The following MDN1 variants were observed in gnomAD, a reference collection of about 807,000 sequenced individuals.
MDN1 encodes midasin AAA ATPase 1.
Under a neutral mutation model 669.2 loss-of-function variants are expected in MDN1, and 266 were observed. The observed-to-expected ratio is 0.40, with a 90% CI of 0.36 to 0.44. The LOEUF is 0.44. Among genes scored for constraint, MDN1 ranks in the 20% least tolerant of loss-of-function variants. The pLI, the probability that MDN1 is intolerant of heterozygous loss-of-function variation, is 1.00. For synonymous variants in MDN1, 2,385 were observed against 2,457.1 expected (o/e 0.97, Z 0.87); for missense variants, 5,940 against 6,754.0 (o/e 0.88, Z 4.22).
chr6:89,646,715 G>C (rs1358796317), intron 99 of MDN1, 112 bp from the exon 100 acceptor site: 1 of 872,184 alleles, frequency 1.1e-6, no homozygotes, highest in East Asian at 2.6e-5. Flanking sequence ...AACCACCTCA[G>C]GTTTACAGAC....
chr6:89,672,790 C>T, intron 80 of MDN1, 88 bp from the exon 81 acceptor site: 1 of 1,393,570 alleles, frequency 7.2e-7, no homozygotes, highest in Non-Finnish European at 9.7e-7. Context: ...TAAAAATACT[C>T]ATTTATTGAT....
chr6:89,648,149 T>C lies in MDN1; in HGVS notation c.16281-3A>G, dbSNP rs1808603910. The stretch of plus-strand genomic sequence containing the variant: ...ACAGCTTTACAGATTCTCCAAAACT[T>C]GGGGGAGGAAAACCAAATACAACAG... On this transcript the variant is annotated splice_polypyrimidine_tract_variant and splice_region_variant and intron_variant, in intron 98 of 101. Coordinates refer to ENST00000369393, the MANE Select transcript of MDN1 (RefSeq NM_014611.3). 6.2e-7 allele frequency: 1 copy of C among 1,612,954 alleles called. No individual in the cohort carries two copies. Among genetic ancestry groups the C allele is most frequent in the South Asian group, 1.1e-5 (1 of 91,052 alleles).
In MDN1 at chr6:89,643,854, A is replaced by G. The variant is rs1808308024; in HGVS notation, c.*151T>C. 1.5e-6 allele frequency: 1 copy of G among 670,800 alleles called. No homozygotes were observed. Among genetic ancestry groups the G allele is most frequent in the African/African-American group, 1.8e-5 (1 of 54,168 alleles). The allele number at this position is 670,800 out of a possible 1,614,324, so 41.6% of individuals were successfully genotyped here. Reference sequence around the variant, plus strand: ...AAACCTCAGCCCAGGCAAAGCCGGGAGCCAGAGAGCATTCTGTAGGCTGTA... The same window carrying G: ...AAACCTCAGCCCAGGCAAAGCCGGGGGCCAGAGAGCATTCTGTAGGCTGTA... On this transcript the variant is annotated 3_prime_UTR_variant, in exon 102 of 102. Transcript: ENST00000369393.
chr6:89,668,368 A>G (rs958854709), intron 83 of MDN1, among the ~76,000 whole-genome samples: 4 of 152,180 alleles, frequency 2.6e-5, no homozygotes, highest in South Asian at 2.1e-4. Context: ...GATTTAACAT[A>G]TGACTTGACT....
At chr6:89,786,374 C>T (rs1046014557) in intron 8 of MDN1, among the ~76,000 whole-genome samples, 3 of 151,166 alleles carry the variant, frequency 2.0e-5, no homozygotes, top group Non-Finnish European at 4.4e-5. Context: ...GAGGACTGCT[C>T]GAGTCCAGGA....
chr6:89,689,138 C>G (rs933535192), intron 65 of MDN1, among the ~76,000 whole-genome samples: 1 of 152,188 alleles, frequency 6.6e-6, no homozygotes, highest in Non-Finnish European at 1.5e-5. Flanking sequence ...TGCACTCCAG[C>G]CTGAGAAACA....
chr6:89,791,207 G>GAAGA (rs1819253314), intron 5 of MDN1, among the ~76,000 whole-genome samples: 1 of 152,114 alleles, frequency 6.6e-6, no homozygotes, highest in South Asian at 2.1e-4. Context: ...CAAAGGTAGG[G>GAAGA]AAGAGCAAAC....
In MDN1 at chr6:89,700,281, A is replaced by T. The variant is rs760520402; in HGVS notation, c.8652T>A (p.Asn2884Lys). 1 of 1,613,940 alleles carries T rather than the reference A, an allele frequency of 6.2e-7. No homozygotes were observed. Among genetic ancestry groups the T allele is most frequent in the Non-Finnish European group, 8.5e-7 (1 of 1,179,816 alleles). ...LEDVSLDELK[N>K]FVHAQCLELK... ...GTTCTAAACACTGAGCATGCACAAA[A>T]TTCTTCAATTCATCTGGACAAAAAG... is the stretch of plus-strand genomic sequence containing the variant. Residue 2884 changes from asparagine (N) to lysine (K), a missense_variant, in exon 57 of 102, where the codon AAT becomes AAA. Coordinates refer to ENST00000369393, the MANE Select transcript of MDN1 (RefSeq NM_014611.3).
intron 40 of MDN1, among the ~76,000 whole-genome samples, chr6:89,722,244 G>A (rs538946642): frequency 6.6e-6 from 1 of 152,242 alleles, no homozygotes; most frequent in African/African-American, 2.4e-5. Context: ...CTCTTTATAC[G>A]ATTATACTTT....
At chr6:89,697,509 C>T (rs1812845783) in intron 59 of MDN1, among the ~76,000 whole-genome samples, 1 of 151,784 alleles carries the variant, frequency 6.6e-6, no homozygotes, top group South Asian at 2.1e-4. Flanking sequence ...ATACTTCCAA[C>T]TCATATTGGG....
intron 47 of MDN1, 59 bp from the exon 48 acceptor site, chr6:89,712,845 A>T: frequency 2.0e-6 from 3 of 1,506,726 alleles, no homozygotes; most frequent in Non-Finnish European, 2.8e-6. Flanking sequence ...ATTCCCCAAA[A>T]ACCAGCAAAG....
At chr6:89,762,204 T>G (rs1817580375) in intron 16 of MDN1, 115 bp downstream of exon 16, 1 of 862,948 alleles carries the variant, frequency 1.2e-6, no homozygotes, top group African/African-American at 1.7e-5. Context: ...TAGTCACTTC[T>G]GCCAAAGTCC....
chr6:89,672,884 TA>T (rs1279585709), intron 80 of MDN1, among the ~76,000 whole-genome samples, 182 bp from the exon 81 acceptor site: 1 of 152,206 alleles, frequency 6.6e-6, no homozygotes, highest in African/African-American at 2.4e-5. Flanking sequence ...TACCTTGTAT[TA>T]AAACATTTTT....
rs771641004 is a variant in MDN1 at position 89,710,718 on chromosome 6, G to A, written c.7728C>T (p.Val2576=). 1 of 1,600,212 alleles carries A rather than the reference G, an allele frequency of 6.2e-7. No individual in the cohort carries two copies. The highest frequency in any genetic ancestry group is 8.5e-7 in the Non-Finnish European group (1 of 1,174,856). ...GTTGTAATATTTTGAAAACATTACT[G>A]ACTGCACCTGAGAGGGAATGTGAGT... The part of the protein sequence containing the change: ...NFYSHSLSGA[V]SNVFKILQPN... The change falls in exon 50 of 102, where the codon GTC becomes GTT. Residue 2576 remains valine (V), a synonymous_variant. Transcript: ENST00000369393.
At chr6:89,725,023 G>C (rs1815124935) in intron 38 of MDN1, among the ~76,000 whole-genome samples, 176 bp downstream of exon 38, 1 of 152,074 alleles carries the variant, frequency 6.6e-6, no homozygotes, top group Non-Finnish European at 1.5e-5. Flanking sequence ...AAAAGATGAA[G>C]GACAGAAGCA....
At chr6:89,703,599 G>A (rs1363630220) in intron 53 of MDN1, among the ~76,000 whole-genome samples, 1 of 152,024 alleles carries the variant, frequency 6.6e-6, no homozygotes, top group Non-Finnish European at 1.5e-5. Context: ...CATGTTATTT[G>A]CCATTTTCAC....
rs1339003326 is a variant in MDN1, at chr6:89,732,623, T to G, written c.4876A>C (p.Ile1626Leu). Residue 1626 changes from isoleucine to leucine, a missense_variant, in exon 34 of 102, where the codon ATC becomes CTC. Ile to Leu is a conservative substitution (Grantham distance 5, BLOSUM62 2). Around this residue, in one of 5 missense-constraint regions of MDN1, gnomAD observed 2,292 missense variants for 2,638.3 expected, o/e 0.87. Transcript: ENST00000369393. ...GEEAALKRPE[I>L]ISTVTSFVHA... ...ACAAAAGATGTCACAGTGGAGATGA[T>G]CTCTGGCCTTTTCAAAGCAGCTTCC... 1 of 1,614,054 alleles carries G rather than the reference T, an allele frequency of 6.2e-7. No homozygotes were observed. The highest frequency in any genetic ancestry group is 8.5e-7 in the Non-Finnish European group (1 of 1,180,010).
intron 62 of MDN1, 58 bp downstream of exon 62, chr6:89,694,016 A>T: frequency 3.7e-6 from 5 of 1,367,534 alleles, no homozygotes; most frequent in Non-Finnish European, 5.2e-6. Flanking sequence ...CCATAACTAC[A>T]TTACATCAAA....
chr6:89,649,927 G>T, intron 97 of MDN1, 97 bp downstream of exon 97: 1 of 1,245,436 alleles, frequency 8.0e-7, no homozygotes, highest in Non-Finnish European at 1.2e-6. Flanking sequence ...CATATTTAAA[G>T]CATTAGCCAT....
Sources: gnomAD v4.1 joint callset for allele counts (sites outside exome capture counted in the v4.1 genomes callset) on GRCh38, gnomAD v4.1.1 for gene constraint, gnomAD v4.1.1 regional missense constraint, MANE v1.5 for transcripts, NCBI Gene and HGNC (gene_info 2026-07-23, HGNC 2026-07-21) for gene names.